KIF13B: variants seen among roughly 807,000 people sequenced by gnomAD.
KIF13B encodes kinesin-like protein KIF13B.
A neutral mutation model predicts 222.0 loss-of-function variants in KIF13B; 127 were observed. The ratio of observed to expected loss-of-function variants is 0.57; its 90% CI spans 0.50 to 0.66. The LOEUF is 0.66. KIF13B is among the 30% of genes least tolerant of loss of function. The pLI is 0.00. For synonymous variants in KIF13B, 976 were observed against 919.0 expected, an observed-to-expected ratio of 1.06 and a Z score of -1.12; for missense variants, 2,173 against 2,379.0, an observed-to-expected ratio of 0.91 and a Z score of 1.80.
intron 2 of KIF13B, among the ~76,000 whole-genome samples, chr8:29,228,299 A>G (rs1443564943): frequency 2.0e-5 from 3 of 150,292 alleles, no homozygotes; most frequent in African/African-American, 7.4e-5. Context: ...CCCTGTCTCT[A>G]CCAAAAAAAA....
chr8:29,090,362 G>A (rs981620613), intron 37 of KIF13B, among the ~76,000 whole-genome samples: 4 of 152,174 alleles, frequency 2.6e-5, no homozygotes, highest in Non-Finnish European at 5.9e-5. Context: ...AAGGAAACAG[G>A]TTTAAAAACA....
intron 12 of KIF13B, among the ~76,000 whole-genome samples, chr8:29,162,481 CAG>C (rs1386874414): frequency 2.0e-5 from 3 of 152,198 alleles, no homozygotes; most frequent in Admixed American, 6.5e-5. Context: ...TGCTAACCAT[CAG>C]AGTTTTCTGC....
chr8:29,242,200 C>T (rs899670087), intron 2 of KIF13B, among the ~76,000 whole-genome samples: 1 of 152,020 alleles, frequency 6.6e-6, no homozygotes, highest in South Asian at 2.1e-4. Context: ...CTATTTGTAT[C>T]GTGCCACCAC....
At position 29,255,974 on chromosome 8, in the gene KIF13B, C is replaced by T. The variant is rs141233665; in HGVS notation, c.55+7006G>A. Among the ~76,000 whole-genome samples, 671 of 122,556 alleles carry T rather than the reference C, an allele frequency of 5.5e-3. 4 individuals are homozygous for T. The highest frequency in any genetic ancestry group is 0.019 in the African/African-American group (628 of 32,536). The allele number at this position is 122,556 out of a possible 152,430, so 80.4% of individuals were successfully genotyped here. A position where few individuals can be genotyped will look rare whatever the true frequency, so the allele number is the denominator to read the frequency against. On this transcript the variant is annotated intron_variant, in intron 1 of 39. Coordinates refer to ENST00000524189, the MANE Select transcript of KIF13B (RefSeq NM_015254.4). Reference sequence around the variant, plus strand: ...CACACCTGAGGTGCTCTATCTTCTACCTACAGTAATGACTCCGAAATCTAC... The same window carrying T: ...CACACCTGAGGTGCTCTATCTTCTATCTACAGTAATGACTCCGAAATCTAC...
intron 8 of KIF13B, among the ~76,000 whole-genome samples, chr8:29,178,116 C>G (rs1160565901): frequency 1.3e-5 from 2 of 152,102 alleles, no homozygotes; most frequent in Non-Finnish European, 2.9e-5. Flanking sequence ...CTCAGGAAAA[C>G]AGTGCCTCCA....
chr8:29,246,003 A>C (rs1816003635), intron 1 of KIF13B, among the ~76,000 whole-genome samples: 1 of 152,238 alleles, frequency 6.6e-6, no homozygotes, highest in Admixed American at 6.5e-5. Flanking sequence ...GAAAATTCCG[A>C]AACACCGTTG....
At chr8:29,152,362 C>T (rs968938614) in intron 14 of KIF13B, among the ~76,000 whole-genome samples, 2 of 152,120 alleles carry the variant, frequency 1.3e-5, no homozygotes, top group Non-Finnish European at 2.9e-5. Flanking sequence ...AAAAGTTCTA[C>T]CGTGGGTAAA....
In KIF13B at chr8:29,148,663, T is replaced by C. The variant is rs1486581387; in HGVS notation, c.1727A>G (p.Asp576Gly). 1 of 1,612,734 alleles carries C rather than the reference T, an allele frequency of 6.2e-7. No homozygotes were observed. The highest frequency in any genetic ancestry group is 1.1e-5 in the South Asian group (1 of 90,710). ...TTCACTGGACACCTCGCTGGAGGAG[T>C]CTCCGTCTACATCCAGCTGCTCAGA... ...NSSEQLDVDG[D>G]SSSEVSSEVN... The change falls in exon 16 of 40, where the codon GAC becomes GGC. Residue 576 changes from aspartate to glycine, a missense_variant. Physicochemically the swap from Asp to Gly is moderately conservative, Grantham distance 94. Coordinates refer to ENST00000524189, the MANE Select transcript of KIF13B (RefSeq NM_015254.4).
rs754131963 is a variant in KIF13B at position 29,188,638 on chromosome 8, T to G, written c.224-31A>C. 3.5e-6 allele frequency: 5 copies of G among 1,447,582 alleles called. No individual in the cohort carries two copies. In the African/African-American group the frequency reaches 5.6e-5, roughly 16 times the overall value. 89.7% of individuals were successfully genotyped at this position (1,447,582 alleles called of 1,614,324 possible). A position where few individuals can be genotyped will look rare whatever the true frequency, so the allele number is the denominator to read the frequency against. On this transcript the variant is annotated intron_variant, in intron 4 of 39. Transcript: ENST00000524189. Reference sequence around the variant, plus strand: ...AGAGAGAGAATAAGAGAAAAGATATTTTAAGCCAAAACTACATATGAACAA... The same window carrying G: ...AGAGAGAGAATAAGAGAAAAGATATGTTAAGCCAAAACTACATATGAACAA...
At chr8:29,150,947 G>A (rs1357942913) in intron 14 of KIF13B, among the ~76,000 whole-genome samples, 3 of 152,096 alleles carry the variant, frequency 2.0e-5, no homozygotes, top group African/African-American at 7.2e-5. Flanking sequence ...CTCAAAAGGT[G>A]GAAATAATTA....
intron 13 of KIF13B, among the ~76,000 whole-genome samples, chr8:29,158,968 GA>G (rs1229862926): frequency 6.6e-6 from 1 of 152,142 alleles, no homozygotes; most frequent in Non-Finnish European, 1.5e-5. Context: ...ACAATGCAAA[GA>G]AAAAGAATGT....
At chr8:29,179,774 T>A (rs1204632790) in intron 8 of KIF13B, among the ~76,000 whole-genome samples, 1 of 152,194 alleles carries the variant, frequency 6.6e-6, no homozygotes, top group Non-Finnish European at 1.5e-5. Context: ...GGATCACAGC[T>A]ATGGGTATGC....
chr8:29,257,809 C>A (rs1487589562), intron 1 of KIF13B, among the ~76,000 whole-genome samples: 5 of 151,706 alleles, frequency 3.3e-5, no homozygotes, highest in African/African-American at 1.2e-4. Flanking sequence ...GAGACCCTGT[C>A]TCAAAAAAAA....
intron 2 of KIF13B, among the ~76,000 whole-genome samples, chr8:29,203,887 C>T (rs1481499853): frequency 1.2e-5 from 1 of 85,776 alleles, no homozygotes; most frequent in Non-Finnish European, 2.3e-5. Context: ...GAGGGAGTTC[C>T]GTCTCAAAAA....
Position 29,161,739 on chromosome 8 carries a change from A to T in KIF13B, c.1270-872T>A, listed in dbSNP as rs552687476. 3.4e-5 allele frequency among the ~76,000 whole-genome samples: 5 copies of T among 146,896 alleles called. No individual in the cohort carries two copies. The East Asian group carries it at 1.0e-3, about 30-fold the overall frequency. On this transcript the variant is annotated intron_variant, in intron 12 of 39. Transcript: ENST00000524189. ...AAAACAAAAAACAAACAAACAAAAC[A>T]AACGTTCTCTGTGTTCTCGTTAGCT... is the stretch of plus-strand genomic sequence containing the variant.
intron 38 of KIF13B, among the ~76,000 whole-genome samples, chr8:29,073,688 G>C (rs773091779): frequency 2.0e-5 from 3 of 152,204 alleles, no homozygotes; most frequent in Non-Finnish European, 4.4e-5. Context: ...AAGCGGCTGA[G>C]ATCTATACGT....
At chr8:29,115,776 T>TCCTGCCCTGC (rs1203074722) in intron 31 of KIF13B, among the ~76,000 whole-genome samples, 4 of 152,084 alleles carry the variant, frequency 2.6e-5, no homozygotes, top group Non-Finnish European at 4.4e-5. Flanking sequence ...TCCTGCCCCG[T>TCCTGCCCTGC]CCTGCCCTGC....
At chr8:29,084,024 C>G (rs187868734) in intron 37 of KIF13B, among the ~76,000 whole-genome samples, 106 of 152,242 alleles carry the variant, frequency 7.0e-4, no homozygotes, top group Non-Finnish European at 4.4e-5. Flanking sequence ...AAGCGATTCC[C>G]CTGCCTCACC....
At chr8:29,186,861 C>T (rs529432662) in intron 5 of KIF13B, among the ~76,000 whole-genome samples, 4 of 150,014 alleles carry the variant, frequency 2.7e-5, no homozygotes, top group African/African-American at 7.4e-5. Context: ...CCCAGCTACT[C>T]GGGAGGCTGA....
Sources: allele counts gnomAD v4.1 joint callset (sites outside exome capture counted in the v4.1 genomes callset), GRCh38; gene constraint gnomAD v4.1.1; transcripts MANE v1.5; gene names NCBI Gene and HGNC (gene_info 2026-07-23, HGNC 2026-07-21).